The following CDH4 variants were observed in gnomAD, a reference collection of about 807,000 sequenced individuals.
CDH4 encodes cadherin-4.
CDH4 carries 33 observed loss-of-function variants against 86.0 expected under a neutral mutation model. The ratio of observed to expected loss-of-function variants is 0.38; its 90% CI spans 0.29 to 0.51. The LOEUF is 0.51. Ranked by LOEUF, CDH4 falls within the 20% of genes least tolerant of loss-of-function variation. The pLI is 0.86. For synonymous variants in CDH4, 555 were observed against 549.4 expected (o/e 1.01, Z -0.14); for missense variants, 1,114 against 1,307.4 (o/e 0.85, Z 2.28).
chr20:61,825,273 G>A (rs1178241501), intron 4 of CDH4, among the ~76,000 whole-genome samples: 1 of 152,108 alleles, frequency 6.6e-6, no homozygotes, highest in East Asian at 1.9e-4. Flanking sequence ...GCCCCGCATG[G>A]TGGTGTACGC....
chr20:61,521,153 T>A (rs989248449), intron 2 of CDH4, among the ~76,000 whole-genome samples: 1 of 152,226 alleles, frequency 6.6e-6, no homozygotes, highest in Non-Finnish European at 1.5e-5. Flanking sequence ...GCATTTGTGA[T>A]GATGACTAAT....
chr20:61,445,518 A>G (rs2085344558), intron 2 of CDH4, among the ~76,000 whole-genome samples: 1 of 151,984 alleles, frequency 6.6e-6, no homozygotes, highest in African/African-American at 2.4e-5. Context: ...GGCAAGACCA[A>G]TGCCCCTCAA....
At chr20:61,299,443 C>A (rs887592405) in intron 2 of CDH4, among the ~76,000 whole-genome samples, 1 of 152,168 alleles carries the variant, frequency 6.6e-6, no homozygotes, top group Non-Finnish European at 1.5e-5. Flanking sequence ...GTTATGGCAG[C>A]CACGGGAAAC....
intron 2 of CDH4, among the ~76,000 whole-genome samples, chr20:61,444,082 ATCTG>A (rs375959970): frequency 0.02 from 2,773 of 137,110 alleles, 46 homozygotes; most frequent in African/African-American, 0.043. Flanking sequence ...CTGTGTGTGT[ATCTG>A]TCTGTGTGAT....
intron 2 of CDH4, among the ~76,000 whole-genome samples, chr20:61,273,172 G>A: frequency 1.7e-5 from 2 of 117,694 alleles, no homozygotes; most frequent in African/African-American, 3.4e-5. Context: ...TATTGGGGGA[G>A]TACCATGTGC....
At chr20:61,354,413 C>A (rs2084734292) in intron 2 of CDH4, among the ~76,000 whole-genome samples, 1 of 152,224 alleles carries the variant, frequency 6.6e-6, no homozygotes. Context: ...AGATGGCCAT[C>A]CCCACTTTGC....
intron 9 of CDH4, among the ~76,000 whole-genome samples, chr20:61,923,147 G>A (rs1035871531): frequency 1.3e-5 from 2 of 152,160 alleles, no homozygotes; most frequent in African/African-American, 2.4e-5. Flanking sequence ...AAGAGGGGCC[G>A]CCCAGCGGGG....
At chr20:61,859,244 T>C (rs1250513929) in intron 6 of CDH4, among the ~76,000 whole-genome samples, 2 of 152,254 alleles carry the variant, frequency 1.3e-5, no homozygotes, top group Non-Finnish European at 2.9e-5. Flanking sequence ...CATTTCCTAC[T>C]ACGTTATTCT....
chr20:61,349,676 G>T (rs1003872691), intron 2 of CDH4, among the ~76,000 whole-genome samples: 13 of 152,170 alleles, frequency 8.5e-5, no homozygotes, highest in African/African-American at 4.8e-5. Context: ...TCCCTTCCAT[G>T]CCCCGTGAGG....
Position 61,326,833 on chromosome 20 carries a change from A to T in CDH4, c.169+71896A>T, listed in dbSNP as rs1173661366. 2.0e-5 allele frequency among the ~76,000 whole-genome samples: 3 copies of T among 152,204 alleles called. No individual in the cohort carries two copies. In the East Asian group the frequency reaches 5.8e-4, roughly 29 times the overall value. ...GATAGAAGGCACTGGTAAATGCAAGATGTGTTACTTCTTACGACTTCTCAT... is the reference window on the plus strand; with the variant it reads ...GATAGAAGGCACTGGTAAATGCAAGTTGTGTTACTTCTTACGACTTCTCAT... On this transcript the variant is annotated intron_variant, in intron 2 of 15. Coordinates refer to ENST00000614565, the MANE Select transcript of CDH4 (RefSeq NM_001794.5).
chr20:61,588,926 A>G (rs2086498027), intron 2 of CDH4, among the ~76,000 whole-genome samples: 1 of 152,212 alleles, frequency 6.6e-6, no homozygotes, highest in South Asian at 2.1e-4. Context: ...TACCGCTCCG[A>G]GCGCACTGTT....
intron 2 of CDH4, among the ~76,000 whole-genome samples, chr20:61,474,048 G>A (rs1436301489): frequency 6.6e-6 from 1 of 151,964 alleles, no homozygotes; most frequent in Non-Finnish European, 1.5e-5. Flanking sequence ...TAAAGATCCA[G>A]GCTGTTCTGC....
At chr20:61,883,936 AC>A (rs1351727342) in intron 7 of CDH4, among the ~76,000 whole-genome samples, 1 of 151,496 alleles carries the variant, frequency 6.6e-6, no homozygotes, top group South Asian at 2.1e-4. Context: ...CAGCATCCCC[AC>A]CCCCCAACCC....
chr20:61,402,472 G>C (rs1479935149), intron 2 of CDH4, among the ~76,000 whole-genome samples: 3 of 152,132 alleles, frequency 2.0e-5, no homozygotes, highest in Non-Finnish European at 2.9e-5. Flanking sequence ...TTGGCTCACT[G>C]CAGCCTCCTC....
intron 2 of CDH4, among the ~76,000 whole-genome samples, chr20:61,261,190 T>TAGTCAGTGATTCCTA (rs1021065554): frequency 2.0e-5 from 3 of 152,150 alleles, no homozygotes; most frequent in South Asian, 2.1e-4. Context: ...AGTGGTTCCT[T>TAGTCAGTGATTCCTA]AGTCAGTGAT....
In CDH4 at chr20:61,582,310, G is replaced by A. The variant is rs1453136589; in HGVS notation, c.170-161253G>A. 1.3e-5 allele frequency among the ~76,000 whole-genome samples: 2 copies of A among 152,126 alleles called. No homozygotes were observed. Among genetic ancestry groups the A allele is most frequent in the Non-Finnish European group, 2.9e-5 (2 of 68,016 alleles). ...CTCCTTATCTGTTTCCATGAGCCAGGTGCCCTGCACGGATCCGCTCTCCTC... is the reference window on the plus strand; with the variant it reads ...CTCCTTATCTGTTTCCATGAGCCAGATGCCCTGCACGGATCCGCTCTCCTC... On this transcript the variant is annotated intron_variant, in intron 2 of 15. Coordinates refer to ENST00000614565, the MANE Select transcript of CDH4 (RefSeq NM_001794.5). The surrounding 1 kb of genome is among the most constrained non-coding windows in gnomAD (Gnocchi z 4.2).
At chr20:61,416,565 G>T (rs552360202) in intron 2 of CDH4, among the ~76,000 whole-genome samples, 100 of 152,308 alleles carry the variant, frequency 6.6e-4, no homozygotes, top group African/African-American at 2.3e-3. Context: ...TAGTATTGCT[G>T]GAACAGTATT....
chr20:61,729,367 TA>T (rs773755163), intron 2 of CDH4, among the ~76,000 whole-genome samples: 87 of 152,308 alleles, frequency 5.7e-4, no homozygotes, highest in Non-Finnish European at 1.1e-3. Context: ...AACTTTTGTG[TA>T]AATACCTGCC....
chr20:61,547,600 T>C (rs2086098284), intron 2 of CDH4, among the ~76,000 whole-genome samples: 1 of 151,790 alleles, frequency 6.6e-6, no homozygotes, highest in South Asian at 2.1e-4. Flanking sequence ...GGTGGGGGGA[T>C]ACTGCCAAAT....
Sources: allele counts gnomAD v4.1 joint callset (sites outside exome capture counted in the v4.1 genomes callset), GRCh38; gene constraint gnomAD v4.1.1; non-coding constraint Gnocchi (gnomAD v3.1); transcripts MANE v1.5; gene names NCBI Gene and HGNC (gene_info 2026-07-23, HGNC 2026-07-21).